Variants in CNTN5 observed in about 807,000 individuals in gnomAD.
CNTN5 encodes contactin-5.
In CNTN5, 77 loss-of-function variants were observed where a neutral mutation model predicts 129.1. That is an observed-to-expected ratio of 0.60 (90% CI 0.50 to 0.72). CNTN5 has a LOEUF of 0.72. Ranked by LOEUF, CNTN5 falls within the 30% of genes least tolerant of loss-of-function variation. The pLI is 0.00. For synonymous variants in CNTN5, 509 were observed against 465.6 expected (o/e 1.09, Z -1.20); for missense variants, 1,478 against 1,328.8 (o/e 1.11, Z -1.75).
At chr11:99,503,822 C>T (rs1038980729) in intron 2 of CNTN5, among the ~76,000 whole-genome samples, 3 of 151,900 alleles carry the variant, frequency 2.0e-5, no homozygotes, top group Admixed American at 6.6e-5. Flanking sequence ...CCTCATTTCT[C>T]CTTTCTGTTA....
intron 2 of CNTN5, among the ~76,000 whole-genome samples, chr11:99,519,540 T>C (rs1173495928): frequency 6.6e-6 from 1 of 152,098 alleles, no homozygotes; most frequent in Non-Finnish European, 1.5e-5. Context: ...TTCACCAAAA[T>C]GTTAGATAAT....
intron 16 of CNTN5, among the ~76,000 whole-genome samples, chr11:100,235,940 G>A (rs558668108): frequency 6.6e-6 from 1 of 152,138 alleles, no homozygotes; most frequent in South Asian, 2.1e-4. Context: ...CCTGGCCTAC[G>A]AATGAAATGA....
chr11:99,922,053 G>T (rs1331612092), intron 7 of CNTN5, among the ~76,000 whole-genome samples: 1 of 152,124 alleles, frequency 6.6e-6, no homozygotes, highest in Non-Finnish European at 1.5e-5. Flanking sequence ...TTGCTGTGAA[G>T]AAATACCTGA....
At chr11:99,452,675 G>A (rs547250585) in intron 2 of CNTN5, among the ~76,000 whole-genome samples, 37 of 151,992 alleles carry the variant, frequency 2.4e-4, no homozygotes, top group African/African-American at 8.4e-4. Context: ...GCCTGGCCTA[G>A]GTTTTAAAAT....
At chr11:99,621,179 G>A (rs1317594343) in intron 3 of CNTN5, among the ~76,000 whole-genome samples, 2 of 152,148 alleles carry the variant, frequency 1.3e-5, no homozygotes, top group African/African-American at 4.8e-5. Context: ...GTTCAGTCAT[G>A]GCCAGTGATG....
At chr11:99,910,841 G>A (rs1949639506) in intron 6 of CNTN5, among the ~76,000 whole-genome samples, 1 of 151,908 alleles carries the variant, frequency 6.6e-6, no homozygotes, top group Non-Finnish European at 1.5e-5. Flanking sequence ...TTTATTATAG[G>A]GTATTTGCAT....
At chr11:99,716,972 A>G (rs147741925) in intron 3 of CNTN5, among the ~76,000 whole-genome samples, 4 of 152,232 alleles carry the variant, frequency 2.6e-5, no homozygotes, top group African/African-American at 9.6e-5. Flanking sequence ...TGAATCAACT[A>G]TGCTTTCATT....
chr11:99,876,813 A>C (rs960527545), intron 6 of CNTN5, among the ~76,000 whole-genome samples: 3 of 152,184 alleles, frequency 2.0e-5, no homozygotes, highest in Admixed American at 1.3e-4. Flanking sequence ...CTAAGTTCAC[A>C]CTGAATTTAG....
intron 1 of CNTN5, among the ~76,000 whole-genome samples, chr11:99,251,711 A>G (rs1862114235): frequency 6.6e-6 from 1 of 151,990 alleles, no homozygotes. Flanking sequence ...ATGTAGCCTA[A>G]TAATCCAATA....
Position 99,045,126 on chromosome 11 carries a change from T to A in CNTN5, c.-210+23856T>A, listed in dbSNP as rs1039026153. Among the ~76,000 whole-genome samples the A allele has an allele frequency of 3.9e-5, 6 of 152,238 alleles. No individual in the cohort carries two copies. In the East Asian group the frequency reaches 1.2e-3, roughly 29 times the overall value. On this transcript the variant is annotated intron_variant, in intron 1 of 24. Transcript: ENST00000524871. The stretch of plus-strand genomic sequence containing the variant: ...TAAAGAATGATTGATACAGTCAGGA[T>A]GCATCCCATGTAGGGTGTGAACAAG...
intron 9 of CNTN5, among the ~76,000 whole-genome samples, chr11:100,020,257 A>G (rs1466069458): frequency 3.9e-5 from 6 of 152,046 alleles, no homozygotes; most frequent in Admixed American, 3.9e-4. Flanking sequence ...GCAGTTTTAC[A>G]GTTTTAGGTC....
chr11:99,098,435 T>C (rs976687203), intron 1 of CNTN5, among the ~76,000 whole-genome samples: 3 of 152,008 alleles, frequency 2.0e-5, no homozygotes, highest in African/African-American at 7.2e-5. Flanking sequence ...TCCACTTACA[T>C]AGACCACAAC....
At chr11:99,292,042 G>T (rs1313478256) in intron 1 of CNTN5, among the ~76,000 whole-genome samples, 1 of 151,942 alleles carries the variant, frequency 6.6e-6, no homozygotes, top group African/African-American at 2.4e-5. Flanking sequence ...GCTTACATGA[G>T]CAGGAAAGTG....
chr11:100,346,925 C>T (rs918457112), intron 23 of CNTN5, among the ~76,000 whole-genome samples: 4 of 152,082 alleles, frequency 2.6e-5, no homozygotes, highest in Non-Finnish European at 5.9e-5. Context: ...TGGCAGCAGA[C>T]AAGAGAAGAG....
chr11:99,753,776 C>T (rs577430070), intron 3 of CNTN5, among the ~76,000 whole-genome samples: 33 of 148,510 alleles, frequency 2.2e-4, no homozygotes, highest in African/African-American at 7.4e-4. Flanking sequence ...GCAACCTCCA[C>T]CTCTGGGTTC....
In CNTN5 at chr11:99,876,319, C is replaced by T. The variant is rs138429478; in HGVS notation, c.577+31057C>T. ...TCTGTTTCTGGCTTTTTGCACTGTC[C>T]GCTAACTATACCTTTGTACTGATAT... On this transcript the variant is annotated intron_variant, in intron 6 of 24. Coordinates refer to ENST00000524871, the MANE Select transcript of CNTN5 (RefSeq NM_014361.4). Among the ~76,000 whole-genome samples the T allele has an allele frequency of 2.2e-3, 339 of 152,196 alleles. 2 individuals are homozygous for T. The highest frequency in any genetic ancestry group is 4.1e-3 in the Admixed American group (63 of 15,286).
intron 2 of CNTN5, among the ~76,000 whole-genome samples, chr11:99,456,344 A>G (rs1944495863): frequency 6.6e-6 from 1 of 152,148 alleles, no homozygotes; most frequent in Non-Finnish European, 1.5e-5. Context: ...AAAATTGAGG[A>G]AAAATATATA....
chr11:99,324,057 A>C (rs1387905778), intron 1 of CNTN5, among the ~76,000 whole-genome samples: 3 of 152,214 alleles, frequency 2.0e-5, no homozygotes, highest in Non-Finnish European at 2.9e-5. Context: ...ATTAAAGGAA[A>C]TCTTAGGTCG....
intron 3 of CNTN5, among the ~76,000 whole-genome samples, chr11:99,690,269 T>G (rs1028980396): frequency 2.0e-5 from 3 of 152,176 alleles, no homozygotes; most frequent in Non-Finnish European, 4.4e-5. Flanking sequence ...GGGTTCTCTA[T>G]TCTGTTCCAT....
Sources: allele counts gnomAD v4.1 joint callset (sites outside exome capture counted in the v4.1 genomes callset), GRCh38; gene constraint gnomAD v4.1.1; transcripts MANE v1.5; gene names NCBI Gene and HGNC (gene_info 2026-07-23, HGNC 2026-07-21).